Variants in TRDMT1 observed in about 807,000 individuals in gnomAD.
TRDMT1 encodes the protein tRNA (cytosine(38)-C(5))-methyltransferase.
Under a neutral mutation model 51.2 loss-of-function variants are expected in TRDMT1, and 49 were observed. That is an observed-to-expected ratio of 0.96 (90% CI 0.76 to 1.21). The LOEUF is 1.21. Among genes scored for constraint, TRDMT1 ranks in the 50% most tolerant of loss-of-function variants. TRDMT1 has a pLI of 0.00. For synonymous variants in TRDMT1, 187 were observed against 164.6 expected, an observed-to-expected ratio of 1.14 and a Z score of -1.04; for missense variants, 534 against 462.3, an observed-to-expected ratio of 1.16 and a Z score of -1.42.
intron 3 of TRDMT1, 125 bp from the exon 4 acceptor site, chr10:17,162,362 A>C: frequency 1.2e-6 from 1 of 822,618 alleles, no homozygotes; most frequent in Non-Finnish European, 1.9e-6. Context: ...CCTCACAAAA[A>C]ATAGGGTCAT....
chr10:17,158,737 C>G (rs1261075121), intron 7 of TRDMT1, among the ~76,000 whole-genome samples: 1 of 151,912 alleles, frequency 6.6e-6, no homozygotes, highest in Admixed American at 6.6e-5. Context: ...GAAAATGCAA[C>G]CCATGTATTA....
chr10:17,197,726 A>G (rs759127781), intron 1 of TRDMT1, among the ~76,000 whole-genome samples: 1 of 152,200 alleles, frequency 6.6e-6, no homozygotes, highest in Admixed American at 6.5e-5. Context: ...CAAATGACTA[A>G]CAGGCACATG....
intron 6 of TRDMT1, 38 bp from the exon 7 acceptor site, chr10:17,159,267 T>C (rs199705883): frequency 2.4e-4 from 360 of 1,487,826 alleles, no homozygotes; most frequent in Non-Finnish European, 3.0e-4. Flanking sequence ...CTCTAAAAAA[T>C]TAAAGAGAGC....
intron 3 of TRDMT1, among the ~76,000 whole-genome samples, chr10:17,165,547 C>A (rs1841073746): frequency 1.3e-5 from 2 of 152,104 alleles, no homozygotes; most frequent in South Asian, 4.1e-4. Flanking sequence ...AGAGCTTCTG[C>A]ACAGCAAAAG....
chr10:17,173,804 G>A (rs974160805), intron 2 of TRDMT1, among the ~76,000 whole-genome samples: 12 of 132,654 alleles, frequency 9.0e-5, no homozygotes, highest in African/African-American at 2.3e-4. Flanking sequence ...AGACAAAGTC[G>A]ACCAGGCTGG....
At position 17,169,285 on chromosome 10, in the gene TRDMT1, G is replaced by T. The variant is rs1841641139; in HGVS notation, c.175-368C>A. On this transcript the variant is annotated intron_variant, in intron 2 of 10. Coordinates refer to ENST00000377799, the MANE Select transcript of TRDMT1 (RefSeq NM_004412.7). ...AATTGATAACGTTCATGGAGATGGG[G>T]TCTAGGAAATTTTTAAATACCTACC... is the stretch of plus-strand genomic sequence containing the variant. The T allele has an allele frequency of 5.3e-6, 6 of 1,124,666 alleles. No homozygotes were observed. The South Asian group carries it at 6.7e-5, about 13-fold the overall frequency. 69.7% of individuals were successfully genotyped at this position (1,124,666 alleles called of 1,614,324 possible).
chr10:17,162,879 G>A (rs768009436), intron 3 of TRDMT1, among the ~76,000 whole-genome samples: 15 of 152,084 alleles, frequency 9.9e-5, no homozygotes, highest in Non-Finnish European at 1.2e-4. Flanking sequence ...AAAAGAACAA[G>A]AAGTCAATGC....
chr10:17,145,670 A>G lies in TRDMT1; in HGVS notation c.*3370T>C. ...AAAACCCACTTTAATCTCTTTGTCT[A>G]TGTGGGATTAAAATTTGGTCCTTAT... On this transcript the variant is annotated 3_prime_UTR_variant, in exon 11 of 11. Coordinates refer to ENST00000377799, the MANE Select transcript of TRDMT1 (RefSeq NM_004412.7). 4 of 985,444 alleles carry G rather than the reference A, an allele frequency of 4.1e-6. No homozygotes were observed. Among genetic ancestry groups the G allele is most frequent in the Non-Finnish European group, 4.8e-6 (4 of 829,922 alleles). The allele number at this position is 985,444 out of a possible 1,614,324, so 61.0% of individuals were successfully genotyped here.
At chr10:17,183,242 C>G (rs1843488775) in intron 1 of TRDMT1, among the ~76,000 whole-genome samples, 1 of 151,956 alleles carries the variant, frequency 6.6e-6, no homozygotes, top group Non-Finnish European at 1.5e-5. Flanking sequence ...AGTAAAAATC[C>G]AAGTTTTATA....
At chr10:17,153,216 T>C (rs992126040) in intron 10 of TRDMT1, 2 of 458,028 alleles carry the variant, frequency 4.4e-6, no homozygotes, top group Admixed American at 3.8e-5. Context: ...GGGGATGCTA[T>C]GCACAGCCAT....
In TRDMT1 at chr10:17,160,387, A is replaced by G. The variant is rs749924336; in HGVS notation, c.390-13T>C. 1.3e-6 allele frequency: 2 copies of G among 1,488,198 alleles called. No homozygotes were observed. Among genetic ancestry groups the G allele is most frequent in the Admixed American group, 2.3e-5 (1 of 43,798 alleles). The allele number at this position is 1,488,198 out of a possible 1,614,324, so 92.2% of individuals were successfully genotyped here. A position where few individuals can be genotyped will look rare whatever the true frequency, so the allele number is the denominator to read the frequency against. On this transcript the variant is annotated splice_polypyrimidine_tract_variant and intron_variant, in intron 5 of 10. Transcript: ENST00000377799. ...TATCAAGAGGTCTCTAAAAAGAAAA[A>G]AAAAAAACTTTAATTCTTACTTGGA...
rs192990773 is a variant in TRDMT1, at chr10:17,139,289, T to C, written c.*9751A>G. The C allele has an allele frequency of 2.5e-5, 21 of 828,866 alleles. 1 individual carries two copies. The East Asian group carries it at 2.3e-3, about 92-fold the overall frequency. The allele number at this position is 828,866 out of a possible 1,614,324, so 51.3% of individuals were successfully genotyped here. ...AAGTTAAATATTTAGACACCATTCA[T>C]ACGATAATCAAAGGAAAATGTCTGA... On this transcript the variant is annotated 3_prime_UTR_variant, in exon 11 of 11. Coordinates refer to ENST00000377799, the MANE Select transcript of TRDMT1 (RefSeq NM_004412.7).
chr10:17,194,499 G>A (rs572821386), intron 1 of TRDMT1, among the ~76,000 whole-genome samples: 1 of 151,990 alleles, frequency 6.6e-6, no homozygotes, highest in African/African-American at 2.4e-5. Flanking sequence ...CTAGGCAAAG[G>A]ACATGAACAG....
chr10:17,199,946 T>C (rs1258103798), intron 1 of TRDMT1, among the ~76,000 whole-genome samples: 1 of 152,198 alleles, frequency 6.6e-6, no homozygotes, highest in East Asian at 1.9e-4. Context: ...ATTACACAAT[T>C]TCCCCTAACA....
At chr10:17,192,611 C>T (rs1214650066) in intron 1 of TRDMT1, among the ~76,000 whole-genome samples, 2 of 152,046 alleles carry the variant, frequency 1.3e-5, no homozygotes, top group Non-Finnish European at 2.9e-5. Flanking sequence ...AAAGGGTGGG[C>T]GAGGGGCAGG....
chr10:17,179,753 A>C (rs1026367962), intron 1 of TRDMT1, among the ~76,000 whole-genome samples: 2 of 68,784 alleles, frequency 2.9e-5, no homozygotes, highest in African/African-American at 9.0e-5. Context: ...ATCTCTACTA[A>C]TAAAAAAAAA....
chr10:17,197,306 G>A (rs1189043336), intron 1 of TRDMT1, among the ~76,000 whole-genome samples: 1 of 151,706 alleles, frequency 6.6e-6, no homozygotes, highest in Non-Finnish European at 1.5e-5. Flanking sequence ...CTGTGCTAGA[G>A]GCTGTACAGG....
chr10:17,176,553 C>T (rs1485331787), intron 1 of TRDMT1, among the ~76,000 whole-genome samples: 1 of 152,136 alleles, frequency 6.6e-6, no homozygotes, highest in Non-Finnish European at 1.5e-5. Context: ...GCACTGTTTG[C>T]ATGGATTGAT....
chr10:17,167,188 T>G (rs1424885190), intron 3 of TRDMT1, among the ~76,000 whole-genome samples: 3 of 152,166 alleles, frequency 2.0e-5, no homozygotes, highest in African/African-American at 7.2e-5. Context: ...GGCTTGTAGG[T>G]GAACCACAAA....
Sources: allele counts gnomAD v4.1 joint callset (sites outside exome capture counted in the v4.1 genomes callset), GRCh38; gene constraint gnomAD v4.1.1; transcripts MANE v1.5; gene names NCBI Gene and HGNC (gene_info 2026-07-23, HGNC 2026-07-21).